The following KIAA0825 variants were observed in gnomAD, a reference collection of about 807,000 sequenced individuals.
The protein encoded by KIAA0825 is KIAA0825.
KIAA0825 carries 119 observed loss-of-function variants against 147.6 expected under a neutral mutation model. That is an observed-to-expected ratio of 0.81 (90% CI 0.69 to 0.94). KIAA0825 has a LOEUF of 0.94. Among genes scored for constraint, KIAA0825 ranks in the 40% least tolerant of loss-of-function variants. The pLI is 0.00. For synonymous variants in KIAA0825, 470 were observed against 518.1 expected (o/e 0.91, Z 1.26); for missense variants, 1,381 against 1,472.7 (o/e 0.94, Z 1.02).
intron 17 of KIAA0825, among the ~76,000 whole-genome samples, chr5:94,392,846 C>T (rs1024975754): frequency 6.6e-6 from 1 of 152,014 alleles, no homozygotes; most frequent in Non-Finnish European, 1.5e-5. Flanking sequence ...GATCATATAG[C>T]CTTGCTAAAA....
chr5:94,410,783 C>T (rs773650453), intron 15 of KIAA0825, among the ~76,000 whole-genome samples: 4 of 151,956 alleles, frequency 2.6e-5, no homozygotes, highest in Non-Finnish European at 5.9e-5. Flanking sequence ...AACATGAAGG[C>T]AAAATACTTT....
At chr5:94,325,152 T>A (rs1780558062) in intron 20 of KIAA0825, among the ~76,000 whole-genome samples, 2 of 152,010 alleles carry the variant, frequency 1.3e-5, no homozygotes, top group Non-Finnish European at 2.9e-5. Context: ...TACAACCTGC[T>A]AGTCAAATTA....
chr5:94,378,526 T>G (rs1464891693), intron 20 of KIAA0825, among the ~76,000 whole-genome samples: 1 of 137,046 alleles, frequency 7.3e-6, no homozygotes, highest in Non-Finnish European at 1.7e-5. Context: ...TTAGGTTGAT[T>G]CCATGTCTTT....
intron 6 of KIAA0825, among the ~76,000 whole-genome samples, chr5:94,481,677 C>T (rs1003171184): frequency 6.6e-5 from 10 of 152,134 alleles, no homozygotes; most frequent in South Asian, 4.2e-4. Context: ...TAACTACATA[C>T]GCCTCCCTAA....
Position 94,403,805 on chromosome 5 carries a change from G to GA in KIAA0825, c.2663-13dup. The GA allele has an allele frequency of 6.5e-7, 1 of 1,549,064 alleles. No individual in the cohort carries two copies. Among genetic ancestry groups the GA allele is most frequent in the East Asian group, 2.4e-5 (1 of 40,906 alleles). On this transcript the variant is annotated splice_polypyrimidine_tract_variant and intron_variant, in intron 15 of 20. Transcript: ENST00000682413. ...CACGCACGTTGAGACTTTAAAATCA[G>GA]ATGGCATATTATGGTTAGCAGAACC...
At chr5:94,491,091 G>A (rs1286094296) in intron 5 of KIAA0825, among the ~76,000 whole-genome samples, 1 of 151,864 alleles carries the variant, frequency 6.6e-6, no homozygotes, top group African/African-American at 2.4e-5. Flanking sequence ...GGAGCTGGAG[G>A]ATCAGTATAA....
At chr5:94,421,499 A>T (rs1349772853) in intron 14 of KIAA0825, among the ~76,000 whole-genome samples, 1 of 152,186 alleles carries the variant, frequency 6.6e-6, no homozygotes, top group African/African-American at 2.4e-5. Context: ...GCTTATTTCC[A>T]GGCTCAATGC....
intron 20 of KIAA0825, among the ~76,000 whole-genome samples, chr5:94,301,079 A>G (rs1778377250): frequency 6.6e-6 from 1 of 152,214 alleles, no homozygotes; most frequent in South Asian, 2.1e-4. Flanking sequence ...CATCTTTATC[A>G]CTAACAATTC....
chr5:94,356,329 C>T (rs937598883), intron 20 of KIAA0825, among the ~76,000 whole-genome samples: 1 of 152,014 alleles, frequency 6.6e-6, no homozygotes, highest in Non-Finnish European at 1.5e-5. Context: ...GAACTACAGC[C>T]GGGAGCGGTG....
intron 20 of KIAA0825, among the ~76,000 whole-genome samples, chr5:94,338,708 G>A (rs1252788759): frequency 1.3e-5 from 2 of 152,034 alleles, no homozygotes; most frequent in Non-Finnish European, 2.9e-5. Flanking sequence ...ATATCATATA[G>A]CCTAGGTATA....
At chr5:94,335,425 T>C (rs780552069) in intron 20 of KIAA0825, among the ~76,000 whole-genome samples, 1 of 152,152 alleles carries the variant, frequency 6.6e-6, no homozygotes, top group Non-Finnish European at 1.5e-5. Context: ...ATTAGTGATG[T>C]TACTGTTATT....
chr5:94,537,422 C>T (rs535378318), intron 2 of KIAA0825, among the ~76,000 whole-genome samples: 49 of 152,036 alleles, frequency 3.2e-4, no homozygotes, highest in Admixed American at 1.6e-3. Flanking sequence ...GAGGCCGAGG[C>T]GGGTGGATCA....
At chr5:94,354,849 G>T (rs1335669025) in intron 20 of KIAA0825, among the ~76,000 whole-genome samples, 1 of 152,200 alleles carries the variant, frequency 6.6e-6, no homozygotes, top group Non-Finnish European at 1.5e-5. Context: ...TTTATTCTGA[G>T]CCAAATAGAA....
intron 20 of KIAA0825, among the ~76,000 whole-genome samples, chr5:94,236,690 C>T (rs536537854): frequency 6.6e-6 from 1 of 152,220 alleles, no homozygotes; most frequent in Admixed American, 6.5e-5. Context: ...CTTCATTGTT[C>T]TCTTATTTAA....
In KIAA0825 at chr5:94,391,595, G is replaced by A. The variant is rs1749905331; in HGVS notation, c.3396C>T (p.Cys1132=). 1.3e-6 allele frequency: 2 copies of A among 1,551,604 alleles called. No homozygotes were observed. Among genetic ancestry groups the A allele is most frequent in the South Asian group, 2.4e-5 (2 of 84,058 alleles). Residue 1132 remains cysteine (C), a synonymous_variant, in exon 18 of 21, where the codon TGC becomes TGT. Coordinates refer to ENST00000682413, the MANE Select transcript of KIAA0825 (RefSeq NM_001145678.3). Reference sequence around the variant, plus strand: ...GGTACTCCCTGCCACCTGGTTTGTGGCAGAGATCCAGGACCATCGTGTTTA... The same window carrying A: ...GGTACTCCCTGCCACCTGGTTTGTGACAGAGATCCAGGACCATCGTGTTTA... ...QKINTMVLDL[C]HKPGGREYLR...
At chr5:94,336,611 A>G (rs1584161727) in intron 20 of KIAA0825, among the ~76,000 whole-genome samples, 1 of 152,128 alleles carries the variant, frequency 6.6e-6, no homozygotes, top group African/African-American at 2.4e-5. Context: ...TTATGGCTGC[A>G]TAGTATTCCA....
intron 20 of KIAA0825, among the ~76,000 whole-genome samples, chr5:94,330,711 C>CAAA (rs3077674): frequency 5.3e-5 from 8 of 151,646 alleles, no homozygotes; most frequent in South Asian, 2.1e-4. Context: ...AAACTAAAAA[C>CAAA]AAAATAGAGA....
At chr5:94,494,318 T>TA (rs1280913196) in intron 5 of KIAA0825, among the ~76,000 whole-genome samples, 2 of 144,958 alleles carry the variant, frequency 1.4e-5, no homozygotes, top group African/African-American at 5.1e-5. Context: ...TCAATCCTTT[T>TA]TTTTTTTTTT....
chr5:94,165,041 A>G (rs983252463), intron 20 of KIAA0825, among the ~76,000 whole-genome samples: 11 of 152,202 alleles, frequency 7.2e-5, no homozygotes, highest in African/African-American at 2.4e-4. Context: ...GCTTCTGGAC[A>G]GCAAAGGATA....
Sources: gnomAD v4.1 joint callset for allele counts (sites outside exome capture counted in the v4.1 genomes callset) on GRCh38, gnomAD v4.1.1 for gene constraint, MANE v1.5 for transcripts, NCBI Gene and HGNC (gene_info 2026-07-23, HGNC 2026-07-21) for gene names.